Variants in MEF2D observed in about 807,000 individuals in gnomAD.
MEF2D encodes the protein myocyte enhancer factor 2D, also known as myocyte-specific enhancer factor 2D.
A neutral mutation model predicts 59.3 loss-of-function variants in MEF2D; 10 were observed. The observed-to-expected ratio is 0.17, with a 90% CI of 0.10 to 0.29. MEF2D has a LOEUF of 0.29. MEF2D is among the 10% of genes least tolerant of loss of function. The probability of loss-of-function intolerance (pLI) is 1.00; values close to 1 mark genes in which losing one functional copy is unlikely to be tolerated. For missense variants in MEF2D, 508 were observed against 699.4 expected (o/e 0.73, Z 3.09); for synonymous variants, 305 against 295.0 (o/e 1.03, Z -0.35).
Position 156,492,854 on chromosome 1 carries a change from C to T in MEF2D, c.-139+7632G>A, listed in dbSNP as rs145891496. On this transcript the variant is annotated intron_variant, in intron 1 of 11. Transcript: ENST00000348159. ...AGCCGTTGGAATGAGCATAATGCCA[C>T]CAGTGCTGGGTCTGGGCTGCCTGCC... Among the ~76,000 whole-genome samples the T allele has an allele frequency of 6.4e-3, 979 of 152,302 alleles. 14 individuals carry two copies. Among genetic ancestry groups the T allele is most frequent in the African/African-American group, 0.022 (925 of 41,556 alleles).
Position 156,482,539 on chromosome 1 carries a change from G to A in MEF2D, c.156C>T (p.Asn52=). 6.2e-7 allele frequency: 1 copy of A among 1,614,250 alleles called. No individual in the cohort carries two copies. The highest frequency in any genetic ancestry group is 8.5e-7 in the Non-Finnish European group (1 of 1,180,046). The change falls in exon 3 of 12, where the codon AAC becomes AAT. Residue 52 remains asparagine (N), a synonymous_variant. Coordinates refer to ENST00000348159, the MANE Select transcript of MEF2D (RefSeq NM_005920.4). ...CGGTGCTGGCGTACTGGAACAGCTT[G>A]TTGGAGTGGTTGAAGATGATGAGTG... ...EIALIIFNHS[N]KLFQYASTDM...
chr1:156,484,258 T>C (rs574258794), intron 1 of MEF2D: 2 of 152,318 alleles, frequency 1.3e-5, no homozygotes, highest in African/African-American at 4.8e-5. Flanking sequence ...CTTAAAACAA[T>C]GAAACCATTC....
rs534807814 is a variant in MEF2D at position 156,485,701 on chromosome 1, C to CT, written c.-138-2272dup. Among the ~76,000 whole-genome samples, 586 of 134,648 alleles carry CT rather than the reference C, an allele frequency of 4.4e-3. 1 individual carries two copies. The highest frequency in any genetic ancestry group is 0.012 in the Middle Eastern group (3 of 250). 88.3% of individuals were successfully genotyped at this position (134,648 alleles called of 152,430 possible). A position where few individuals can be genotyped will look rare whatever the true frequency, so the allele number is the denominator to read the frequency against. Reference sequence around the variant, plus strand: ...CACCCAGGTAATTTATTAATAATTTCTTTTTTTTTTTTTTGGTAGATACAG... The same window carrying CT: ...CACCCAGGTAATTTATTAATAATTTCTTTTTTTTTTTTTTTGGTAGATACAG... On this transcript the variant is annotated intron_variant, in intron 1 of 11. Transcript: ENST00000348159.
At chr1:156,486,556 G>A (rs932602654) in intron 1 of MEF2D, among the ~76,000 whole-genome samples, 2 of 152,078 alleles carry the variant, frequency 1.3e-5, no homozygotes, top group East Asian at 3.9e-4. Flanking sequence ...GTTCATAACC[G>A]AATTCTTGCA....
chr1:156,482,411 C>A, intron 3 of MEF2D, 26 bp downstream of exon 3: 1 of 1,612,632 alleles, frequency 6.2e-7, no homozygotes, highest in Non-Finnish European at 8.5e-7. Flanking sequence ...GGGGGTATAT[C>A]CTGGTGCCTG....
intron 1 of MEF2D, among the ~76,000 whole-genome samples, chr1:156,489,932 C>G (rs767317644): frequency 1.3e-5 from 2 of 152,184 alleles, no homozygotes; most frequent in Non-Finnish European, 2.9e-5. Flanking sequence ...ATTCTCTCTT[C>G]CAACTTCAGC....
chr1:156,487,545 G>A (rs1004909055), intron 1 of MEF2D, among the ~76,000 whole-genome samples: 2 of 152,208 alleles, frequency 1.3e-5, no homozygotes, highest in African/African-American at 4.8e-5. Context: ...GTCTTTGAAA[G>A]CCCTGAGGCA....
intron 1 of MEF2D, among the ~76,000 whole-genome samples, chr1:156,495,119 C>T (rs558383436): frequency 2.6e-5 from 4 of 152,290 alleles, no homozygotes; most frequent in Admixed American, 6.5e-5. Context: ...GGGCTTTCTC[C>T]ATGACACTCA....
In MEF2D at chr1:156,468,252, G is replaced by C. The variant is rs1163507005; in HGVS notation, c.1295C>G (p.Thr432Ser). ...PHVGAALTVT[T>S]HPHISIKSEP... is the part of the protein sequence containing the mutation. The stretch of plus-strand genomic sequence containing the variant: ...TGACTTGATGCTGATGTGGGGGTGG[G>C]TGGTGACTGTGAGGGCAGCACCCAC... The change falls in exon 11 of 12, where the codon ACC (threonine) becomes AGC (serine). Residue 432 changes from threonine (T) to serine (S), a missense_variant. Around this residue, in one of 2 missense-constraint regions of MEF2D, gnomAD observed 481 missense variants for 584.7 expected, o/e 0.82. Transcript: ENST00000348159. This position sits in a 1 kb window ranked among gnomAD's most constrained non-coding sequence, Gnocchi z 4.3. The C allele has an allele frequency of 1.3e-6, 2 of 1,590,126 alleles. No individual in the cohort carries two copies. Among genetic ancestry groups the C allele is most frequent in the Non-Finnish European group, 1.7e-6 (2 of 1,165,798 alleles).
At chr1:156,478,731 T>A (rs1281210707) in intron 6 of MEF2D, among the ~76,000 whole-genome samples, 1 of 148,426 alleles carries the variant, frequency 6.7e-6, no homozygotes, top group African/African-American at 2.6e-5. Context: ...GGTTTCTCCA[T>A]GTTTGTCAGG....
intron 9 of MEF2D, among the ~76,000 whole-genome samples, chr1:156,472,185 T>C (rs1671272937): frequency 6.6e-6 from 1 of 152,230 alleles, no homozygotes; most frequent in African/African-American, 2.4e-5. Flanking sequence ...CAACTGTCCC[T>C]GTCCCCAGGC....
At chr1:156,486,990 C>T (rs920967372) in intron 1 of MEF2D, among the ~76,000 whole-genome samples, 3 of 152,224 alleles carry the variant, frequency 2.0e-5, no homozygotes, top group African/African-American at 7.2e-5. Flanking sequence ...TGGACACCAC[C>T]TACCCTCCAA....
At chr1:156,496,123 A>T (rs1275717588) in intron 1 of MEF2D, among the ~76,000 whole-genome samples, 1 of 152,222 alleles carries the variant, frequency 6.6e-6, no homozygotes, top group Non-Finnish European at 1.5e-5. Flanking sequence ...GGCTCTCAGG[A>T]AAGAGAGGCT....
intron 4 of MEF2D, 144 bp from the exon 5 acceptor site, chr1:156,479,940 C>G (rs761316665): frequency 1.5e-5 from 11 of 750,318 alleles, no homozygotes; most frequent in Non-Finnish European, 2.3e-5. Flanking sequence ...TGCCCTGTGC[C>G]CTTGTGGAGT....
chr1:156,464,453 G>C lies in MEF2D; in HGVS notation c.*3192C>G, dbSNP rs1670715864. The C allele has an allele frequency of 6.8e-6, 1 of 147,682 alleles. No individual in the cohort carries two copies. The highest frequency in any genetic ancestry group is 2.0e-4 in the East Asian group (1 of 4,886). The allele number at this position is 147,682 out of a possible 1,614,324, so 9.1% of individuals were successfully genotyped here. A position where few individuals can be genotyped will look rare whatever the true frequency, so the allele number is the denominator to read the frequency against. ...GGTGTGTTCCACTGAGGTGGTGGGG[G>C]GGGGTGTCCTCTTGCCCACTGTCCC... On this transcript the variant is annotated 3_prime_UTR_variant, in exon 12 of 12. Transcript: ENST00000348159.
intron 9 of MEF2D, among the ~76,000 whole-genome samples, chr1:156,474,286 T>C (rs567075355): frequency 1.3e-5 from 2 of 152,204 alleles, no homozygotes; most frequent in East Asian, 3.9e-4. Context: ...CTATCTCTAC[T>C]AAAGATACAA....
intron 3 of MEF2D, 130 bp downstream of exon 3, chr1:156,482,307 G>T: frequency 2.1e-6 from 2 of 947,328 alleles, no homozygotes; most frequent in Non-Finnish European, 3.3e-6. Flanking sequence ...GTGCGCACAG[G>T]TGAGGGGCTA....
chr1:156,480,711 G>C, intron 4 of MEF2D, 123 bp downstream of exon 4: 1 of 1,608,762 alleles, frequency 6.2e-7, no homozygotes, highest in Non-Finnish European at 8.5e-7. Context: ...TCTTCCGTCT[G>C]GGGGGTCAGG....
At position 156,467,578 on chromosome 1, in the gene MEF2D, G is replaced by A; in HGVS notation, c.*67C>T. The A allele has an allele frequency of 7.8e-7, 1 of 1,282,068 alleles. No homozygotes were observed. Among genetic ancestry groups the A allele is most frequent in the African/African-American group, 1.5e-5 (1 of 65,858 alleles). 79.4% of individuals were successfully genotyped at this position (1,282,068 alleles called of 1,614,324 possible). A position where few individuals can be genotyped will look rare whatever the true frequency, so the allele number is the denominator to read the frequency against. On this transcript the variant is annotated 3_prime_UTR_variant, in exon 12 of 12. Coordinates refer to ENST00000348159, the MANE Select transcript of MEF2D (RefSeq NM_005920.4). ...GGTCGAGCGGGAGGAGCCCGGGGCA[G>A]GGAAGGGCGGGCGGTGAGATTGTCA...
Sources: gnomAD v4.1 joint callset for allele counts (sites outside exome capture counted in the v4.1 genomes callset) on GRCh38, gnomAD v4.1.1 for gene constraint, gnomAD v4.1.1 regional missense constraint, Gnocchi (gnomAD v3.1) non-coding constraint, MANE v1.5 for transcripts, NCBI Gene and HGNC (gene_info 2026-07-23, HGNC 2026-07-21) for gene names.